ASTN2: variants seen among roughly 807,000 people sequenced by gnomAD.
The protein encoded by ASTN2 is astrotactin 2.
Under a neutral mutation model 139.8 loss-of-function variants are expected in ASTN2, and 54 were observed. The ratio of observed to expected loss-of-function variants is 0.39; its 90% CI spans 0.31 to 0.48. The LOEUF is 0.48. Ranked by LOEUF, ASTN2 falls within the 20% of genes least tolerant of loss-of-function variation. ASTN2 has a pLI of 0.95. For synonymous variants in ASTN2, 756 were observed against 719.5 expected (o/e 1.05, Z -0.81); for missense variants, 1,565 against 1,725.1 (o/e 0.91, Z 1.64).
intron 10 of ASTN2, among the ~76,000 whole-genome samples, chr9:116,915,144 T>C (rs945513753): frequency 1.3e-5 from 2 of 152,292 alleles, no homozygotes; most frequent in Non-Finnish European, 2.9e-5. Flanking sequence ...CAGTCCCCAT[T>C]AAGATATGTC....
chr9:116,524,016 A>G (rs1850988749), intron 19 of ASTN2, among the ~76,000 whole-genome samples: 1 of 152,126 alleles, frequency 6.6e-6, no homozygotes, highest in Admixed American at 6.6e-5. Context: ...TTTTCCTCTA[A>G]TCACACAGTG....
intron 5 of ASTN2, among the ~76,000 whole-genome samples, chr9:117,045,311 T>A (rs1200668112): frequency 7.8e-6 from 1 of 127,640 alleles, no homozygotes; most frequent in Non-Finnish European, 1.6e-5. Flanking sequence ...CAGATCATAT[T>A]GCCTGAGTAT....
At chr9:116,511,070 T>A (rs1343832314) in intron 19 of ASTN2, among the ~76,000 whole-genome samples, 1 of 152,196 alleles carries the variant, frequency 6.6e-6, no homozygotes, top group Admixed American at 6.5e-5. Flanking sequence ...AGGGCATCCC[T>A]GTCTTGTGCC....
intron 1 of ASTN2, among the ~76,000 whole-genome samples, chr9:117,296,442 A>T (rs1026508929): frequency 6.6e-6 from 1 of 152,166 alleles, no homozygotes; most frequent in Non-Finnish European, 1.5e-5. Flanking sequence ...CCTTAAAAAC[A>T]GGTTAATAGA....
intron 6 of ASTN2, among the ~76,000 whole-genome samples, chr9:117,029,073 T>C (rs1455563864): frequency 6.6e-6 from 1 of 152,154 alleles, no homozygotes; most frequent in Non-Finnish European, 1.5e-5. Context: ...AATAATTCTG[T>C]TCAACCTCTT....
intron 19 of ASTN2, among the ~76,000 whole-genome samples, chr9:116,519,138 A>G (rs1369024288): frequency 1.3e-5 from 2 of 152,128 alleles, no homozygotes; most frequent in Admixed American, 1.3e-4. Context: ...CTTAAAAACT[A>G]TACCCTAAAA....
chr9:117,340,453 C>G (rs1275545150), intron 1 of ASTN2, among the ~76,000 whole-genome samples: 1 of 151,668 alleles, frequency 6.6e-6, no homozygotes, highest in East Asian at 1.9e-4. Flanking sequence ...GCCCGGTGCA[C>G]CCTGCTAAAT....
chr9:116,927,909 T>C (rs1834799183), intron 10 of ASTN2, among the ~76,000 whole-genome samples: 1 of 152,232 alleles, frequency 6.6e-6, no homozygotes, highest in Non-Finnish European at 1.5e-5. Flanking sequence ...GTGGTGTTTT[T>C]CTTCCCTTTG....
In ASTN2 at chr9:116,556,725, T is replaced by C. The variant is rs567221437; in HGVS notation, c.3355+61599A>G. ...CCTAATGTCCCTAAGTTTAACCCCA[T>C]AACTCTTTTATAAGCAAATATAAAT... On this transcript the variant is annotated intron_variant, in intron 19 of 22. Coordinates refer to ENST00000313400, the MANE Select transcript of ASTN2 (RefSeq NM_001365068.1). Among the ~76,000 whole-genome samples the C allele has an allele frequency of 2.6e-5, 4 of 152,278 alleles. No homozygotes were observed. In the South Asian group the frequency reaches 8.3e-4, roughly 32 times the overall value.
In ASTN2 at chr9:116,700,168, C is replaced by G. The variant is rs1861100376; in HGVS notation, c.2806+25603G>C. 1 of 216,474 alleles carries G rather than the reference C, an allele frequency of 4.6e-6. No individual in the cohort carries two copies. The highest frequency in any genetic ancestry group is 1.0e-5 in the Non-Finnish European group (1 of 99,294). The allele number at this position is 216,474 out of a possible 1,614,324, so 13.4% of individuals were successfully genotyped here. A position where few individuals can be genotyped will look rare whatever the true frequency, so the allele number is the denominator to read the frequency against. On this transcript the variant is annotated intron_variant, in intron 16 of 22. Transcript: ENST00000313400. ...TTCACTGTGCATGCTTCAGTGGGAT[C>G]TGCTCCACCTTTCAGTGACATTTAA...
At position 116,699,563 on chromosome 9, in the gene ASTN2, C is replaced by G; in HGVS notation, c.2806+26208G>C. The stretch of plus-strand genomic sequence containing the variant: ...TTCTCCATTTTCCTAAGGGTGGGGG[C>G]TATAGTGTCCTTATTCGAGAGGGAC... On this transcript the variant is annotated intron_variant, in intron 16 of 22. Transcript: ENST00000313400. This position sits in a 1 kb window ranked among gnomAD's most constrained non-coding sequence, Gnocchi z 4.2. The G allele has an allele frequency of 6.2e-7, 1 of 1,614,180 alleles. No individual in the cohort carries two copies. Among genetic ancestry groups the G allele is most frequent in the Non-Finnish European group, 8.5e-7 (1 of 1,180,034 alleles).
At chr9:117,388,529 A>G (rs1008251576) in intron 1 of ASTN2, among the ~76,000 whole-genome samples, 8 of 152,212 alleles carry the variant, frequency 5.3e-5, no homozygotes, top group African/African-American at 1.9e-4. Flanking sequence ...CAGCAATTCT[A>G]TCCTTCCATG....
intron 11 of ASTN2, among the ~76,000 whole-genome samples, chr9:116,852,878 T>TACACACAC (rs3040211): frequency 0.16 from 21,314 of 134,134 alleles, 2,109 homozygotes; most frequent in African/African-American, 0.26. Flanking sequence ...AAGGGGAAAA[T>TACACACAC]ACACACACAC....
At chr9:116,853,388 T>G (rs1218618259) in intron 11 of ASTN2, among the ~76,000 whole-genome samples, 1 of 152,208 alleles carries the variant, frequency 6.6e-6, no homozygotes, top group African/African-American at 2.4e-5. Flanking sequence ...GCTTTTCGTT[T>G]CAGAGCTAAG....
chr9:117,205,325 T>TA (rs201616874), intron 3 of ASTN2, among the ~76,000 whole-genome samples: 2,071 of 152,282 alleles, frequency 0.014, 49 homozygotes, highest in African/African-American at 0.047. Context: ...ATACACATCT[T>TA]GGGGTTCAAG....
chr9:116,468,157 G>T (rs1162930068), intron 20 of ASTN2, among the ~76,000 whole-genome samples: 1 of 152,220 alleles, frequency 6.6e-6, no homozygotes, highest in African/African-American at 2.4e-5. Context: ...TCTGGGGAAA[G>T]AAACCACAAC....
intron 3 of ASTN2, among the ~76,000 whole-genome samples, chr9:117,168,101 C>A (rs1830710679): frequency 1.3e-5 from 2 of 151,976 alleles, no homozygotes; most frequent in African/African-American, 2.4e-5. Flanking sequence ...ATCCTTCTTT[C>A]TCCATTGCAG....
At chr9:117,082,824 A>T (rs1828463431) in intron 5 of ASTN2, among the ~76,000 whole-genome samples, 1 of 152,068 alleles carries the variant, frequency 6.6e-6, no homozygotes, top group South Asian at 2.1e-4. Flanking sequence ...AAGCAAACAA[A>T]AAACACCCTT....
At chr9:117,149,093 C>G (rs1588017622) in intron 3 of ASTN2, among the ~76,000 whole-genome samples, 1 of 151,910 alleles carries the variant, frequency 6.6e-6, no homozygotes, top group East Asian at 1.9e-4. Context: ...GATCTCAGCT[C>G]ACTGCAACCA....
Sources: allele counts gnomAD v4.1 joint callset (sites outside exome capture counted in the v4.1 genomes callset), GRCh38; gene constraint gnomAD v4.1.1; non-coding constraint Gnocchi (gnomAD v3.1); transcripts MANE v1.5; gene names NCBI Gene and HGNC (gene_info 2026-07-23, HGNC 2026-07-21).